ABR: variants seen among roughly 807,000 people sequenced by gnomAD.
ABR encodes the protein ABR activator of RhoGEF and GTPase.
Under a neutral mutation model 107.2 loss-of-function variants are expected in ABR, and 35 were observed. The ratio of observed to expected loss-of-function variants is 0.33; its 90% CI spans 0.25 to 0.43. ABR has a LOEUF of 0.43. ABR is among the 20% of genes least tolerant of loss of function. ABR has a pLI of 1.00. For synonymous variants in ABR, 498 were observed against 462.0 expected, an observed-to-expected ratio of 1.08 and a Z score of -1.00; for missense variants, 815 against 1,115.2, an observed-to-expected ratio of 0.73 and a Z score of 3.83.
At chr17:1,111,295 G>A (rs2038662360) in intron 2 of ABR, among the ~76,000 whole-genome samples, 1 of 152,120 alleles carries the variant, frequency 6.6e-6, no homozygotes, top group South Asian at 2.1e-4. Context: ...GTGACTCCCT[G>A]AGTATCCAGG....
At chr17:1,168,983 G>C (rs2041611834) in intron 1 of ABR, among the ~76,000 whole-genome samples, 1 of 152,252 alleles carries the variant, frequency 6.6e-6, no homozygotes, top group South Asian at 2.1e-4. Context: ...CCAAGTCAAG[G>C]TGGCTGTTCC....
chr17:1,192,904 G>A (rs1207332006), intron 1 of ABR, among the ~76,000 whole-genome samples: 2 of 152,004 alleles, frequency 1.3e-5, no homozygotes, highest in Non-Finnish European at 2.9e-5. Flanking sequence ...GAAAATTAGT[G>A]GGGTGTGGTG....
At chr17:1,125,570 C>T (rs967027277) in intron 1 of ABR, 4 of 391,068 alleles carry the variant, frequency 1.0e-5, no homozygotes, top group African/African-American at 4.3e-5. Context: ...CTGCCCGCTC[C>T]GGGGCTGCTG....
chr17:1,149,956 C>G, intron 1 of ABR, among the ~76,000 whole-genome samples: 1 of 152,182 alleles, frequency 6.6e-6, no homozygotes, highest in South Asian at 2.1e-4. Context: ...GCTTTTGTGA[C>G]AGTTGAATGA....
intron 1 of ABR, among the ~76,000 whole-genome samples, chr17:1,132,202 C>T (rs2039874037): frequency 6.6e-6 from 1 of 150,962 alleles, no homozygotes; most frequent in African/African-American, 2.4e-5. Context: ...TCTCTATGAA[C>T]ACACACACAC....
chr17:1,124,346 G>A (rs1431522698), intron 2 of ABR, among the ~76,000 whole-genome samples: 3 of 152,096 alleles, frequency 2.0e-5, no homozygotes, highest in East Asian at 1.9e-4. Flanking sequence ...AAACACACCC[G>A]GACGAGCAGG....
At chr17:1,040,685 G>C (rs898415316) in intron 16 of ABR, among the ~76,000 whole-genome samples, 2 of 152,206 alleles carry the variant, frequency 1.3e-5, no homozygotes, top group African/African-American at 4.8e-5. Flanking sequence ...GCCTGAACCC[G>C]CCAGCTTAGG....
chr17:1,102,011 G>A (rs1433831011), intron 2 of ABR, among the ~76,000 whole-genome samples: 1 of 152,134 alleles, frequency 6.6e-6, no homozygotes, highest in African/African-American at 2.4e-5. Flanking sequence ...GGGATTACAG[G>A]TGTGAGCCAC....
chr17:1,198,861 C>T (rs2042619358), intron 1 of ABR, among the ~76,000 whole-genome samples: 1 of 147,548 alleles, frequency 6.8e-6, no homozygotes, highest in Non-Finnish European at 1.5e-5. Context: ...TTATGATCTC[C>T]TGAACTTGGG....
chr17:1,006,651 C>T (rs1170662188), intron 22 of ABR, among the ~76,000 whole-genome samples: 1 of 152,162 alleles, frequency 6.6e-6, no homozygotes, highest in Non-Finnish European at 1.5e-5. Flanking sequence ...CTGGTGACAC[C>T]CCATAGCCCA....
chr17:1,094,113 G>A (rs1475562197), intron 3 of ABR, among the ~76,000 whole-genome samples: 3 of 151,946 alleles, frequency 2.0e-5, no homozygotes, highest in Non-Finnish European at 4.4e-5. Flanking sequence ...GTCCGGTCAG[G>A]CCTCTCCTTC....
rs1347320727 is a variant in ABR at position 1,051,816 on chromosome 17, TA to T, written c.1562-1183del. 2.6e-5 allele frequency among the ~76,000 whole-genome samples: 4 copies of T among 152,070 alleles called. No homozygotes were observed. The highest frequency in any genetic ancestry group is 4.4e-5 in the Non-Finnish European group (3 of 67,988). On this transcript the variant is annotated intron_variant, in intron 14 of 22. Coordinates refer to ENST00000302538, the MANE Select transcript of ABR (RefSeq NM_021962.5). The surrounding 1 kb of genome is among the most constrained non-coding windows in gnomAD (Gnocchi z 4.3). The stretch of plus-strand genomic sequence containing the variant: ...GGCCGGGCAAGGTGGCTCACGCCTG[TA>T]AATCCCAGCACTTTGGGAGGCCAAG...
intron 1 of ABR, among the ~76,000 whole-genome samples, chr17:1,136,229 G>A (rs1244719749): frequency 6.6e-6 from 1 of 152,000 alleles, no homozygotes; most frequent in South Asian, 2.1e-4. Flanking sequence ...GTTTTGTTTG[G>A]TTTTGTTGTT....
At chr17:1,172,142 C>G (rs951299663) in intron 1 of ABR, among the ~76,000 whole-genome samples, 2 of 152,204 alleles carry the variant, frequency 1.3e-5, no homozygotes, top group African/African-American at 2.4e-5. Flanking sequence ...AAAAACTGGG[C>G]GAGAGGCCCC....
chr17:1,175,491 T>C (rs980639681), intron 1 of ABR, among the ~76,000 whole-genome samples: 2 of 152,094 alleles, frequency 1.3e-5, no homozygotes, highest in African/African-American at 4.8e-5. Flanking sequence ...GAAACTGACA[T>C]TGCTACATTA....
chr17:1,161,774 C>G (rs929894702), intron 1 of ABR, among the ~76,000 whole-genome samples: 14 of 151,678 alleles, frequency 9.2e-5, no homozygotes, highest in Admixed American at 8.5e-4. Flanking sequence ...AGGCTGGTCT[C>G]AAACTCCTGA....
chr17:1,180,467 T>G (rs2042098004), upstream of ABR, among the ~76,000 whole-genome samples: 1 of 152,028 alleles, frequency 6.6e-6, no homozygotes, highest in African/African-American at 2.4e-5. Context: ...TCCACACCCC[T>G]GACCTCTGAG....
rs1252133637 is a variant in ABR, at chr17:1,009,771, AGGGTCTGACAGGGCTGTGGGAGAGAAGG to A, written c.2237-15_2249del. Reference sequence around the variant, plus strand: ...GCATCATGCAGTTTTCCTTGGCAGCAGGGTCTGACAGGGCTGTGGGAGAGAAGGGCCAGTGTGGCGTTTGGCTCCTGGG... The same window carrying A: ...GCATCATGCAGTTTTCCTTGGCAGCAGCCAGTGTGGCGTTTGGCTCCTGGG... On this transcript the variant is annotated splice_acceptor_variant and splice_polypyrimidine_tract_variant and coding_sequence_variant and intron_variant, in exon 21 of 23. Coordinates refer to ENST00000302538, the MANE Select transcript of ABR (RefSeq NM_021962.5). LOFTEE classifies it high-confidence loss of function. 6.2e-7 allele frequency: 1 copy of A among 1,613,820 alleles called. No homozygotes were observed. Among genetic ancestry groups the A allele is most frequent in the African/African-American group, 1.3e-5 (1 of 74,944 alleles).
At chr17:1,137,899 A>T (rs1295938867) in intron 1 of ABR, among the ~76,000 whole-genome samples, 2 of 150,730 alleles carry the variant, frequency 1.3e-5, no homozygotes, top group Non-Finnish European at 3.0e-5. Flanking sequence ...AAAAACCACA[A>T]TTACTTTTTT....
Sources: gnomAD v4.1 joint callset for allele counts (sites outside exome capture counted in the v4.1 genomes callset) on GRCh38, gnomAD v4.1.1 for gene constraint, Gnocchi (gnomAD v3.1) non-coding constraint, MANE v1.5 for transcripts, NCBI Gene and HGNC (gene_info 2026-07-23, HGNC 2026-07-21) for gene names.